Variants in CHN1 observed in about 807,000 individuals in gnomAD.
The protein encoded by CHN1 is chimerin 1.
Under a neutral mutation model 59.5 loss-of-function variants are expected in CHN1, and 37 were observed. The ratio of observed to expected loss-of-function variants is 0.62; its 90% CI spans 0.48 to 0.82. The LOEUF is 0.82. Among genes scored for constraint, CHN1 ranks in the 40% least tolerant of loss-of-function variants. CHN1 has a pLI of 0.00. For synonymous variants in CHN1, 206 were observed against 200.4 expected (o/e 1.03, Z -0.24); for missense variants, 469 against 571.0 (o/e 0.82, Z 1.82).
At chr2:174,864,427 AAATAT>A (rs1216477555) in intron 6 of CHN1, among the ~76,000 whole-genome samples, 5 of 152,362 alleles carry the variant, frequency 3.3e-5, no homozygotes, top group Admixed American at 3.3e-4. Context: ...GATTTATCTA[AAATAT>A]AATAAATGCA....
intron 6 of CHN1, among the ~76,000 whole-genome samples, chr2:174,874,998 C>G (rs565218106): frequency 6.6e-6 from 1 of 151,198 alleles, no homozygotes; most frequent in South Asian, 2.1e-4. Context: ...CTCAGCCTTC[C>G]TAGTAGCTGG....
chr2:174,871,112 GGGA>G (rs34171044), intron 6 of CHN1, among the ~76,000 whole-genome samples: 4,476 of 151,704 alleles, frequency 0.03, 244 homozygotes, highest in African/African-American at 0.1. Context: ...ATTACAGCAT[GGGA>G]TTCTCTGGTA....
intron 3 of CHN1, chr2:174,921,031 A>C: frequency 2.4e-6 from 1 of 416,080 alleles, no homozygotes; most frequent in African/African-American, 2.0e-5. Context: ...CATGAGTCTA[A>C]TATGGCCGCT....
chr2:174,817,638 CTTTTTTTTTTT>C (rs958427207), intron 8 of CHN1, among the ~76,000 whole-genome samples: 92 of 129,444 alleles, frequency 7.1e-4, no homozygotes, highest in Admixed American at 1.2e-3. Context: ...ATTTTTTTTT[CTTTTTTTTTTT>C]TTTTTTGAGA....
chr2:174,908,345 C>A (rs1688598530), intron 5 of CHN1, among the ~76,000 whole-genome samples: 1 of 152,176 alleles, frequency 6.6e-6, no homozygotes, highest in South Asian at 2.1e-4. Context: ...ATAGTTCCTA[C>A]CACCCTTTCC....
At position 175,005,299 on chromosome 2, in the gene CHN1, C is replaced by T. The variant is rs944786984; in HGVS notation, c.-387G>A. On this transcript the variant is annotated 5_prime_UTR_variant, in exon 1 of 13. Coordinates refer to ENST00000409900, the MANE Select transcript of CHN1 (RefSeq NM_001822.7). ...GCGGCGGCGACGGGGAGAGCAGCAG[C>T]AGCCTCGCACAGCCCCCGGCGGGGC... The T allele has an allele frequency of 8.4e-7, 1 of 1,195,628 alleles. No homozygotes were observed. Among genetic ancestry groups the T allele is most frequent in the Admixed American group, 3.5e-5 (1 of 28,238 alleles). 74.1% of individuals were successfully genotyped at this position (1,195,628 alleles called of 1,614,324 possible).
intron 1 of CHN1, among the ~76,000 whole-genome samples, chr2:174,995,802 TA>T (rs1691688794): frequency 1.3e-5 from 2 of 152,322 alleles, no homozygotes; most frequent in Admixed American, 6.5e-5. Flanking sequence ...CACTACCTAG[TA>T]AGTCACTTAG....
intron 5 of CHN1, 111 bp from the exon 6 acceptor site, chr2:174,878,239 C>T: frequency 1.0e-6 from 1 of 983,098 alleles, no homozygotes; most frequent in Non-Finnish European, 1.4e-6. Flanking sequence ...TGTGTGTCTT[C>T]TTTGTTTAAA....
At chr2:175,003,602 T>C (rs1049076687) in intron 1 of CHN1, among the ~76,000 whole-genome samples, 2 of 152,234 alleles carry the variant, frequency 1.3e-5, no homozygotes, top group Non-Finnish European at 2.9e-5. Context: ...TGCTATTAAA[T>C]AATGCTTAGA....
intron 3 of CHN1, among the ~76,000 whole-genome samples, chr2:174,940,637 A>T (rs1689630631): frequency 6.6e-6 from 1 of 152,166 alleles, no homozygotes; most frequent in African/African-American, 2.4e-5. Context: ...ACTAGATTTA[A>T]GTTAAACAGT....
chr2:174,882,340 C>T (rs1245810380), intron 5 of CHN1, among the ~76,000 whole-genome samples: 3 of 152,128 alleles, frequency 2.0e-5, no homozygotes, highest in African/African-American at 7.2e-5. Flanking sequence ...TGCCCAGATG[C>T]ATTCAGATGC....
Position 174,893,949 on chromosome 2 carries a change from A to G in CHN1, c.261-15821T>C, listed in dbSNP as rs978168533. ...TGCAAAGGAATCATCTGTATACACCATGTACAAACATCAACTCAAAATGGA... is the reference window on the plus strand; with the variant it reads ...TGCAAAGGAATCATCTGTATACACCGTGTACAAACATCAACTCAAAATGGA... On this transcript the variant is annotated intron_variant, in intron 5 of 12. Transcript: ENST00000409900. Among the ~76,000 whole-genome samples the G allele has an allele frequency of 3.3e-5, 5 of 152,286 alleles. No homozygotes were observed. The South Asian group carries it at 1.0e-3, about 32-fold the overall frequency.
intron 8 of CHN1, among the ~76,000 whole-genome samples, chr2:174,818,627 C>A (rs892887576): frequency 2.3e-5 from 3 of 132,542 alleles, no homozygotes; most frequent in Admixed American, 2.1e-4. Flanking sequence ...TACTATTAAA[C>A]CACATTTTTT....
chr2:174,916,171 C>T (rs892590026), intron 4 of CHN1, among the ~76,000 whole-genome samples: 1 of 152,146 alleles, frequency 6.6e-6, no homozygotes, highest in African/African-American at 2.4e-5. Flanking sequence ...GACTAAAAGT[C>T]GACAACACAT....
intron 1 of CHN1, among the ~76,000 whole-genome samples, chr2:174,957,238 C>T (rs888909535): frequency 6.6e-6 from 1 of 152,066 alleles, no homozygotes; most frequent in Non-Finnish European, 1.5e-5. Flanking sequence ...CTAAGAACAA[C>T]AACAATAAAA....
chr2:174,903,145 G>A (rs1034944534), intron 5 of CHN1, among the ~76,000 whole-genome samples: 4 of 152,096 alleles, frequency 2.6e-5, no homozygotes, highest in African/African-American at 7.2e-5. Context: ...ACAGAACACA[G>A]ATGAGTCCTT....
At chr2:174,886,713 T>G (rs138177122) in intron 5 of CHN1, among the ~76,000 whole-genome samples, 89 of 152,298 alleles carry the variant, frequency 5.8e-4, no homozygotes, top group Non-Finnish European at 9.7e-4. Context: ...ATGGGCAGGA[T>G]GCTACTATAA....
At chr2:174,935,378 C>G (rs1689466728) in intron 3 of CHN1, among the ~76,000 whole-genome samples, 1 of 152,184 alleles carries the variant, frequency 6.6e-6, no homozygotes, top group Admixed American at 6.5e-5. Context: ...CAGAAAGAAC[C>G]AGAGCATCTC....
chr2:174,812,262 C>T (rs1478885980), intron 9 of CHN1, 47 bp downstream of exon 9: 1 of 1,537,908 alleles, frequency 6.5e-7, no homozygotes, highest in Non-Finnish European at 8.8e-7. Flanking sequence ...AGGATTGGTA[C>T]TGGTAGTGAA....
Sources: allele counts gnomAD v4.1 joint callset (sites outside exome capture counted in the v4.1 genomes callset), GRCh38; gene constraint gnomAD v4.1.1; transcripts MANE v1.5; gene names NCBI Gene and HGNC (gene_info 2026-07-23, HGNC 2026-07-21).